NEURL4: variants seen among roughly 807,000 people sequenced by gnomAD.
The protein encoded by NEURL4 is neuralized-like protein 4.
A neutral mutation model predicts 148.0 loss-of-function variants in NEURL4; 45 were observed. That is an observed-to-expected ratio of 0.30 (90% CI 0.24 to 0.39). NEURL4 has a LOEUF of 0.39. Ranked by LOEUF, NEURL4 falls within the 10% of genes least tolerant of loss-of-function variation. The pLI, the probability that NEURL4 is intolerant of heterozygous loss-of-function variation, is 1.00. For synonymous variants in NEURL4, 854 were observed against 869.0 expected (o/e 0.98, Z 0.30); for missense variants, 1,776 against 2,144.0 (o/e 0.83, Z 3.39).
At chr17:7,319,259 G>T in intron 21 of NEURL4, 51 bp from the exon 22 acceptor site, 2 of 1,522,842 alleles carry the variant, frequency 1.3e-6, no homozygotes. Flanking sequence ...GAAGAACCAG[G>T]CTCCGCACCC....
chr17:7,321,080 T>A lies in NEURL4; in HGVS notation c.3360+32A>T. 6.2e-7 allele frequency: 1 copy of A among 1,608,114 alleles called. No individual in the cohort carries two copies. Among genetic ancestry groups the A allele is most frequent in the Non-Finnish European group, 8.5e-7 (1 of 1,176,212 alleles). On this transcript the variant is annotated intron_variant, in intron 20 of 28. Coordinates refer to ENST00000399464, the MANE Select transcript of NEURL4 (RefSeq NM_032442.3). The surrounding 1 kb of genome is among the most constrained non-coding windows in gnomAD (Gnocchi z 6.3). The stretch of plus-strand genomic sequence containing the variant: ...CAACGGCCCAGCAACTGCCCATCCA[T>A]GTGCACAGCAGACCATGCTGCAGCC...
In NEURL4 at chr17:7,318,854, T is replaced by G; in HGVS notation, c.3685-180A>C. ...CCCCTTCCCCAAAACTGGCACATTC[T>G]CAATGGCAGGGACACCGCAGGAAGC... On this transcript the variant is annotated intron_variant, in intron 22 of 28. Coordinates refer to ENST00000399464, the MANE Select transcript of NEURL4 (RefSeq NM_032442.3). This position sits in a 1 kb window ranked among gnomAD's most constrained non-coding sequence, Gnocchi z 4.3. The G allele has an allele frequency of 1.1e-6, 1 of 904,984 alleles. No individual in the cohort carries two copies. The highest frequency in any genetic ancestry group is 1.6e-6 in the Non-Finnish European group (1 of 608,306). 56.1% of individuals were successfully genotyped at this position (904,984 alleles called of 1,614,324 possible).
intron 8 of NEURL4, 65 bp downstream of exon 8, chr17:7,325,144 T>TTGGGGGGGGGGGGG: frequency 8.8e-5 from 84 of 956,346 alleles, no homozygotes; most frequent in Non-Finnish European, 1.2e-4. Flanking sequence ...TCCACTTCCT[T>TTGGGGGGGGGGGGG]GCCCCGCCCC....
rs73239601 is a variant in NEURL4, at chr17:7,318,135, G to A, written c.3990C>T (p.Ala1330=). The change falls in exon 25 of 29, where the codon GCC becomes GCT. Residue 1330 remains alanine, a synonymous_variant. Coordinates refer to ENST00000399464, the MANE Select transcript of NEURL4 (RefSeq NM_032442.3). This position sits in a 1 kb window ranked among gnomAD's most constrained non-coding sequence, Gnocchi z 4.3. ...ACTCGCAGCTCTTTAGAGGACTAGC[G>A]GCAGGTGGTGGACCCCAGCACACAC... ...KESVCWGPPP[A]ASPLKSCEYH... 533 of 1,614,142 alleles carry A rather than the reference G, an allele frequency of 3.3e-4. 3 individuals carry two copies. In the African/African-American group the frequency reaches 6.1e-3, roughly 18 times the overall value.
Position 7,326,484 on chromosome 17 carries a change from T to C in NEURL4, c.1157A>G (p.Asn386Ser). 1.2e-6 allele frequency: 2 copies of C among 1,613,890 alleles called. No homozygotes were observed. Among genetic ancestry groups the C allele is most frequent in the South Asian group, 1.1e-5 (1 of 91,064 alleles). ...GGCTGGGTACTCCAAACTGTTGGGG[T>C]TGTGGGTGGTGACCCCAATCTCAAT... ...GSIEIGVTTH[N>S]PNSLEYPATM... The change falls in exon 5 of 29, where the codon AAC (asparagine) becomes AGC (serine). Residue 386 changes from asparagine (N) to serine (S), a missense_variant. By Grantham distance (46) the Asn-to-Ser change is conservative (BLOSUM62 1). Coordinates refer to ENST00000399464, the MANE Select transcript of NEURL4 (RefSeq NM_032442.3). The surrounding 1 kb of genome is among the most constrained non-coding windows in gnomAD (Gnocchi z 6.0).
Position 7,322,860 on chromosome 17 carries a change from T to A in NEURL4, c.2600A>T (p.Tyr867Phe). The change falls in exon 16 of 29, where the codon TAT becomes TTT. Residue 867 changes from tyrosine (Y) to phenylalanine (F), a missense_variant. Physicochemically the swap from Tyr to Phe is conservative, Grantham distance 22. Transcript: ENST00000399464. The surrounding 1 kb of genome is among the most constrained non-coding windows in gnomAD (Gnocchi z 5.5). Reference sequence around the variant, plus strand: ...CTGGCCATAGAGATCGACTACCGCATACACCTCTGGGGAGGAGAGGGAAGG... The same window carrying A: ...CTGGCCATAGAGATCGACTACCGCAAACACCTCTGGGGAGGAGAGGGAAGG... ...CSGLPPGKEVYAVVDLYGQCV... is the reference protein window; with the variant it reads ...CSGLPPGKEVFAVVDLYGQCV... The A allele has an allele frequency of 6.2e-7, 1 of 1,613,644 alleles. No individual in the cohort carries two copies. Among genetic ancestry groups the A allele is most frequent in the Non-Finnish European group, 8.5e-7 (1 of 1,179,720 alleles).
Position 7,321,456 on chromosome 17 carries a change from C to T in NEURL4, c.3103G>A (p.Gly1035Arg), listed in dbSNP as rs1351351478. The T allele has an allele frequency of 6.2e-7, 1 of 1,614,024 alleles. No homozygotes were observed. The highest frequency in any genetic ancestry group is 1.1e-5 in the South Asian group (1 of 91,046). The stretch of plus-strand genomic sequence containing the variant: ...CCCCGACGAACACCCACACGGCTCC[C>T]CACCTAGGACCGAGGTAGGACAAGG... ...YGRNLERLGV[G>R]SRVGVRRGAD... The change falls in exon 19 of 29, where the codon GGG becomes AGG. Residue 1035 changes from glycine (G) to arginine (R), a missense_variant. By Grantham distance (125) the Gly-to-Arg change is moderately radical. Coordinates refer to ENST00000399464, the MANE Select transcript of NEURL4 (RefSeq NM_032442.3). This position sits in a 1 kb window ranked among gnomAD's most constrained non-coding sequence, Gnocchi z 6.3.
In NEURL4 at chr17:7,318,019, C is replaced by T. The variant is rs774090894; in HGVS notation, c.4060+46G>A. ...TCCAGCTGCTCTCCAAGGCTCTAGG[C>T]CTGGCCCTGGGAATGAAGTCAGTTC... is the stretch of plus-strand genomic sequence containing the variant. On this transcript the variant is annotated intron_variant, in intron 25 of 28. Transcript: ENST00000399464. The surrounding 1 kb of genome is among the most constrained non-coding windows in gnomAD (Gnocchi z 4.3). 1.2e-6 allele frequency: 2 copies of T among 1,613,798 alleles called. No individual in the cohort carries two copies. Among genetic ancestry groups the T allele is most frequent in the Non-Finnish European group, 1.7e-6 (2 of 1,179,696 alleles).
In NEURL4 at chr17:7,327,078, C is replaced by T. The variant is rs1279586793; in HGVS notation, c.794-69G>A. On this transcript the variant is annotated intron_variant, in intron 3 of 28. Transcript: ENST00000399464. This position sits in a 1 kb window ranked among gnomAD's most constrained non-coding sequence, Gnocchi z 6.6. The stretch of plus-strand genomic sequence containing the variant: ...AGGCTCTACACCCCCAGACCTGGTG[C>T]CTCTCTCCCTACCCCTTCTCCTGAG... The T allele has an allele frequency of 4.4e-6, 7 of 1,597,830 alleles. No individual in the cohort carries two copies. The highest frequency in any genetic ancestry group is 6.0e-6 in the Non-Finnish European group (7 of 1,172,774).
At position 7,327,042 on chromosome 17, in the gene NEURL4, A is replaced by G; in HGVS notation, c.794-33T>C. On this transcript the variant is annotated intron_variant, in intron 3 of 28. Transcript: ENST00000399464. The surrounding 1 kb of genome is among the most constrained non-coding windows in gnomAD (Gnocchi z 6.6). ...AGCAGGATGGAAGAAGGAAGCTCGG[A>G]AGTTGGGATGAGGCTCTACACCCCC... 1.2e-6 allele frequency: 2 copies of G among 1,605,446 alleles called. No individual in the cohort carries two copies. The highest frequency in any genetic ancestry group is 8.5e-7 in the Non-Finnish European group (1 of 1,179,414).
In NEURL4 at chr17:7,321,111, C is replaced by T. The variant is rs1201308828; in HGVS notation, c.3360+1G>A. The T allele has an allele frequency of 1.9e-6, 3 of 1,613,426 alleles. No individual in the cohort carries two copies. The highest frequency in any genetic ancestry group is 2.2e-5 in the East Asian group (1 of 44,872). ...CAGCAGACCATGCTGCAGCCTCTTACTCCCAGGCCATGCTCCTCGCCCTCG... is the reference window on the plus strand; with the variant it reads ...CAGCAGACCATGCTGCAGCCTCTTATTCCCAGGCCATGCTCCTCGCCCTCG... On this transcript the variant is annotated splice_donor_variant, in intron 20 of 28. Transcript: ENST00000399464. LOFTEE classifies it high-confidence loss of function. This position sits in a 1 kb window ranked among gnomAD's most constrained non-coding sequence, Gnocchi z 6.3.
chr17:7,326,334 A>G lies in NEURL4; in HGVS notation c.1214T>C (p.Met405Thr), dbSNP rs2073102810. ...GGTCAGGATTCCACAGCCGCTCATC[A>G]TGATGGTGCCTGGGTGATAGTGGAC... ...TMTNLQSGTI[M>T]MSGCGILTNG... Residue 405 changes from methionine to threonine, a missense_variant, in exon 6 of 29, where the codon ATG (methionine) becomes ACG (threonine). By Grantham distance (81) the Met-to-Thr change is moderately conservative. Transcript: ENST00000399464. This position sits in a 1 kb window ranked among gnomAD's most constrained non-coding sequence, Gnocchi z 6.0. 6.2e-7 allele frequency: 1 copy of G among 1,614,130 alleles called. No individual in the cohort carries two copies. The highest frequency in any genetic ancestry group is 1.7e-5 in the Admixed American group (1 of 60,006).
At position 7,324,124 on chromosome 17, in the gene NEURL4, G is replaced by A. The variant is rs910342457; in HGVS notation, c.2046C>T (p.Thr682=). Residue 682 remains threonine, a synonymous_variant, in exon 11 of 29, where the codon ACC becomes ACT. Coordinates refer to ENST00000399464, the MANE Select transcript of NEURL4 (RefSeq NM_032442.3). The surrounding 1 kb of genome is among the most constrained non-coding windows in gnomAD (Gnocchi z 5.9). ...GGCCCTCACCCACGTCGTCCACAAT[G>A]GTGGCCTGGGCCGCCTGGCCATAGA... The part of the protein sequence containing the change: ...VDLYGQAAQA[T]IVDDVEVAPV... 3 of 1,613,220 alleles carry A rather than the reference G, an allele frequency of 1.9e-6. No individual in the cohort carries two copies. Among genetic ancestry groups the A allele is most frequent in the Non-Finnish European group, 2.5e-6 (3 of 1,179,992 alleles).
chr17:7,327,557 C>A lies in NEURL4; in HGVS notation c.610G>T (p.Val204Leu). The change falls in exon 2 of 29, where the codon GTG (valine) becomes TTG (leucine). Residue 204 changes from valine to leucine, a missense_variant. Coordinates refer to ENST00000399464, the MANE Select transcript of NEURL4 (RefSeq NM_032442.3). The surrounding 1 kb of genome is among the most constrained non-coding windows in gnomAD (Gnocchi z 6.6). ...CTGAAGCCTGGCTCAGGGGGTAGCA[C>A]GGTGATCTGGGTGCACTTGCCATAA... ...DLYGKCTQIT[V>L]LPPEPGFSPP... The A allele has an allele frequency of 6.2e-7, 1 of 1,610,654 alleles. No homozygotes were observed. Among genetic ancestry groups the A allele is most frequent in the Non-Finnish European group, 8.5e-7 (1 of 1,179,370 alleles).
rs1005847225 is a variant in NEURL4, at chr17:7,328,884, C to A, written c.282+147G>T. 1.2e-5 allele frequency: 8 copies of A among 685,818 alleles called. No individual in the cohort carries two copies. In the African/African-American group the frequency reaches 1.5e-4, roughly 13 times the overall value. The allele number at this position is 685,818 out of a possible 1,614,324, so 42.5% of individuals were successfully genotyped here. Reference sequence around the variant, plus strand: ...ACTCAATGTTTCTGCTTCATGCTGTCTTCCTGACCGCCCCCTGGTGCTCTA... The same window carrying A: ...ACTCAATGTTTCTGCTTCATGCTGTATTCCTGACCGCCCCCTGGTGCTCTA... On this transcript the variant is annotated intron_variant, in intron 1 of 28. Transcript: ENST00000399464.
Position 7,324,286 on chromosome 17 carries a change from T to C in NEURL4, c.1900-16A>G, listed in dbSNP as rs773997723. ...TGTCCCCTGCCTTGGAAGAAGGGGG[T>C]GCTGGAGTGAGGAGTCAGGCAGAGT... On this transcript the variant is annotated splice_polypyrimidine_tract_variant and intron_variant, in intron 10 of 28. Coordinates refer to ENST00000399464, the MANE Select transcript of NEURL4 (RefSeq NM_032442.3). The surrounding 1 kb of genome is among the most constrained non-coding windows in gnomAD (Gnocchi z 5.9). 3.1e-6 allele frequency: 5 copies of C among 1,613,192 alleles called. No individual in the cohort carries two copies. In the Admixed American group the frequency reaches 8.3e-5, roughly 27 times the overall value.
In NEURL4 at chr17:7,321,368, A is replaced by G; in HGVS notation, c.3191T>C (p.Ile1064Thr). 1.2e-6 allele frequency: 2 copies of G among 1,614,054 alleles called. No homozygotes were observed. The highest frequency in any genetic ancestry group is 1.7e-6 in the Non-Finnish European group (2 of 1,180,002). ...GGAAGCGTTCAGGTCTACCTTGGCA[A>G]TGCCAGTGGCTGCAGGCCCCATATC... ...GEDMGPAATG[I>T]AKNVWAVLDL... The change falls in exon 19 of 29, where the codon ATT becomes ACT. Residue 1064 changes from isoleucine to threonine, a missense_variant. Coordinates refer to ENST00000399464, the MANE Select transcript of NEURL4 (RefSeq NM_032442.3). The surrounding 1 kb of genome is among the most constrained non-coding windows in gnomAD (Gnocchi z 6.3).
intron 28 of NEURL4, 46 bp downstream of exon 28, chr17:7,317,159 C>A: frequency 7.1e-7 from 1 of 1,408,300 alleles, no homozygotes. Flanking sequence ...TGGGCCCTCT[C>A]CATCCGAGCC....
chr17:7,324,914 G>C lies in NEURL4; in HGVS notation c.1698C>G (p.Phe566Leu). 6.2e-7 allele frequency: 1 copy of C among 1,614,116 alleles called. No individual in the cohort carries two copies. The highest frequency in any genetic ancestry group is 8.5e-7 in the Non-Finnish European group (1 of 1,180,020). The change falls in exon 9 of 29, where the codon TTC becomes TTG. Residue 566 changes from phenylalanine to leucine, a missense_variant. Phe to Leu is a conservative substitution (Grantham distance 22). Transcript: ENST00000399464. This position sits in a 1 kb window ranked among gnomAD's most constrained non-coding sequence, Gnocchi z 5.9. ...SSRALRDGEVFQVRIDKMVDK... is the reference protein window; with the variant it reads ...SSRALRDGEVLQVRIDKMVDK... The stretch of plus-strand genomic sequence containing the variant: ...CCACCATCTTGTCGATGCGCACCTG[G>C]AACACCTCTCCATCCCGCAGGGCTC...
Sources: gnomAD v4.1 joint callset for allele counts on GRCh38, gnomAD v4.1.1 for gene constraint, Gnocchi (gnomAD v3.1) non-coding constraint, MANE v1.5 for transcripts, NCBI Gene and HGNC (gene_info 2026-07-23, HGNC 2026-07-21) for gene names.